The following RPN2 variants were observed in gnomAD, a reference collection of about 807,000 sequenced individuals.
RPN2 encodes the protein ribophorin II.
A neutral mutation model predicts 71.4 loss-of-function variants in RPN2; 29 were observed. The ratio of observed to expected loss-of-function variants is 0.41; its 90% CI spans 0.30 to 0.55. The LOEUF is 0.55. Among genes scored for constraint, RPN2 ranks in the 20% least tolerant of loss-of-function variants. RPN2 has a pLI of 0.35. For synonymous variants in RPN2, 308 were observed against 305.0 expected (o/e 1.01, Z -0.10); for missense variants, 726 against 774.1 (o/e 0.94, Z 0.74).
At chr20:37,234,800 C>T (rs2068342683) in intron 15 of RPN2, among the ~76,000 whole-genome samples, 1 of 151,870 alleles carries the variant, frequency 6.6e-6, no homozygotes, top group Non-Finnish European at 1.5e-5. Flanking sequence ...CCCACCTCAG[C>T]CTCCAGAGCA....
At chr20:37,229,266 G>A (rs553348669) in intron 12 of RPN2, among the ~76,000 whole-genome samples, 2 of 152,194 alleles carry the variant, frequency 1.3e-5, no homozygotes, top group Non-Finnish European at 2.9e-5. Flanking sequence ...TTGGATTGGC[G>A]TGATGAGAGT....
In RPN2 at chr20:37,238,488, C is replaced by T. The variant is rs1018674574; in HGVS notation, c.1883+1779C>T. 14 of 1,479,884 alleles carry T rather than the reference C, an allele frequency of 9.5e-6. No homozygotes were observed. The African/African-American group carries it at 1.8e-4, about 19-fold the overall frequency. 91.7% of individuals were successfully genotyped at this position (1,479,884 alleles called of 1,614,324 possible). ...GCGGACTCATCCCAGAAGCAGGGTC[C>T]CTTCCCCGTCTTGCCCGCCTCATGC... On this transcript the variant is annotated intron_variant, in intron 16 of 16. Transcript: ENST00000237530.
At chr20:37,232,423 C>A (rs780623159) in intron 14 of RPN2, 32 bp downstream of exon 14, 3 of 1,611,510 alleles carry the variant, frequency 1.9e-6, no homozygotes, top group Non-Finnish European at 2.5e-6. Context: ...GGGCAGCATG[C>A]GTCTGGCGCC....
intron 4 of RPN2, chr20:37,200,553 T>C (rs1162503083): frequency 2.0e-6 from 1 of 511,978 alleles, no homozygotes. Context: ...GTTTTTTTGT[T>C]TGTTTTTTGT....
chr20:37,208,124 G>A (rs187027221), intron 7 of RPN2, among the ~76,000 whole-genome samples: 1 of 152,126 alleles, frequency 6.6e-6, no homozygotes, highest in Non-Finnish European at 1.5e-5. Flanking sequence ...ACAAAAATTA[G>A]CAGGGCCTGG....
At chr20:37,208,367 T>C (rs1331177934) in intron 7 of RPN2, among the ~76,000 whole-genome samples, 1 of 152,106 alleles carries the variant, frequency 6.6e-6, no homozygotes, top group Non-Finnish European at 1.5e-5. Flanking sequence ...GCATCTAAAA[T>C]GCACTTCCCA....
chr20:37,228,657 G>A lies in RPN2; in HGVS notation c.1407G>A (p.Lys469=). Residue 469 remains lysine, a synonymous_variant, in exon 12 of 17, where the codon AAG becomes AAA. Transcript: ENST00000237530. ...TTGAACTGGATACCTCTGAAAGAAA[G>A]ATTGAATTTGACTCTGCCTCTGGCA... ...YKFELDTSER[K]IEFDSASGTY... 3 of 1,614,224 alleles carry A rather than the reference G, an allele frequency of 1.9e-6. No individual in the cohort carries two copies. In the South Asian group the frequency reaches 3.3e-5, roughly 18 times the overall value.
chr20:37,232,157 C>T, intron 13 of RPN2, 139 bp from the exon 14 acceptor site: 2 of 995,794 alleles, frequency 2.0e-6, no homozygotes, highest in Non-Finnish European at 3.2e-6. Context: ...GCCCCATGCC[C>T]ACTTGTTGCC....
chr20:37,218,556 A>AAG (rs2067874278), intron 9 of RPN2, among the ~76,000 whole-genome samples: 1 of 148,850 alleles, frequency 6.7e-6, no homozygotes, highest in Non-Finnish European at 1.5e-5. Context: ...AAAAAAAAAA[A>AAG]CAAAAAAAAC....
rs765808685 is a variant in RPN2, at chr20:37,228,700, A to G, written c.1450A>G (p.Ile484Val). The G allele has an allele frequency of 6.2e-6, 10 of 1,614,216 alleles. No homozygotes were observed. In the Admixed American group the frequency reaches 1.5e-4, roughly 24 times the overall value. Residue 484 changes from isoleucine to valine, a missense_variant, in exon 12 of 17, where the codon ATC (isoleucine) becomes GTC (valine). By Grantham distance (29) the Ile-to-Val change is conservative. Transcript: ENST00000237530. ...SASGTYTLYL[I>V]IGDATLKNPI... ...CTCTGGCACCTACACTCTCTACTTA[A>G]TCATTGGAGATGCCACTTTGAAGAA...
intron 11 of RPN2, among the ~76,000 whole-genome samples, chr20:37,227,260 G>C (rs2068099643): frequency 6.6e-6 from 1 of 152,228 alleles, no homozygotes; most frequent in African/African-American, 2.4e-5. Context: ...AGAGTACAAA[G>C]AGAAGAAAGT....
chr20:37,191,213 A>C (rs1053262517), intron 2 of RPN2, among the ~76,000 whole-genome samples: 1 of 152,180 alleles, frequency 6.6e-6, no homozygotes, highest in African/African-American at 2.4e-5. Context: ...GCGGTGTCTC[A>C]GGCCTGTAAT....
chr20:37,216,268 G>T (rs2067801498), intron 9 of RPN2, among the ~76,000 whole-genome samples: 1 of 152,078 alleles, frequency 6.6e-6, no homozygotes, highest in African/African-American at 2.4e-5. Context: ...GAACCTGGGA[G>T]GTGGAGGTTG....
chr20:37,192,851 GT>G (rs2067173683), intron 2 of RPN2, among the ~76,000 whole-genome samples: 2 of 152,190 alleles, frequency 1.3e-5, no homozygotes, highest in Non-Finnish European at 2.9e-5. Flanking sequence ...TGTGGGCTGA[GT>G]GTGTTGGCTC....
At chr20:37,228,417 C>T in intron 11 of RPN2, 133 bp from the exon 12 acceptor site, 1 of 823,402 alleles carries the variant, frequency 1.2e-6, no homozygotes, top group Non-Finnish European at 2.0e-6. Flanking sequence ...CTCTCTGGGG[C>T]AGGTCTGGCA....
rs200361345 is a variant in RPN2 at position 37,211,518 on chromosome 20, G to GT, written c.986+1354dup. Among the ~76,000 whole-genome samples the GT allele has an allele frequency of 4.9e-3, 741 of 151,484 alleles. 8 individuals carry two copies. Among genetic ancestry groups the GT allele is most frequent in the African/African-American group, 0.017 (703 of 41,450 alleles). ...TAGCCAGACGTGGTGGTGCACGCCTGTATTCCCAGCTACTCCGGAGGCTGA... is the reference window on the plus strand; with the variant it reads ...TAGCCAGACGTGGTGGTGCACGCCTGTTATTCCCAGCTACTCCGGAGGCTGA... On this transcript the variant is annotated intron_variant, in intron 8 of 16. Transcript: ENST00000237530.
At chr20:37,208,695 C>T (rs1051154483) in intron 7 of RPN2, among the ~76,000 whole-genome samples, 4 of 152,228 alleles carry the variant, frequency 2.6e-5, no homozygotes, top group African/African-American at 7.2e-5. Context: ...ACTCGTTGAA[C>T]AGAGCACATG....
At chr20:37,231,330 T>G (rs1485672096) in intron 13 of RPN2, among the ~76,000 whole-genome samples, 1 of 151,904 alleles carries the variant, frequency 6.6e-6, no homozygotes, top group East Asian at 1.9e-4. Context: ...CTAGGTGAGC[T>G]TCGTAAAGAG....
At chr20:37,236,387 A>T (rs892772399) in intron 15 of RPN2, among the ~76,000 whole-genome samples, 193 bp from the exon 16 acceptor site, 3 of 152,210 alleles carry the variant, frequency 2.0e-5, no homozygotes, top group African/African-American at 7.2e-5. Context: ...GTGCCTGGCC[A>T]CACACTTGGC....
Sources: gnomAD v4.1 joint callset for allele counts (sites outside exome capture counted in the v4.1 genomes callset) on GRCh38, gnomAD v4.1.1 for gene constraint, MANE v1.5 for transcripts, NCBI Gene and HGNC (gene_info 2026-07-23, HGNC 2026-07-21) for gene names.